Variants in AGBL4 observed in about 807,000 individuals in gnomAD.
The protein encoded by AGBL4 is AGBL carboxypeptidase 4.
A neutral mutation model predicts 66.4 loss-of-function variants in AGBL4; 58 were observed. The observed-to-expected ratio is 0.87, with a 90% confidence interval of 0.71 to 1.09. The LOEUF (loss-of-function observed/expected upper bound fraction) is 1.09, where lower values mean the gene tolerates loss of function less well. Ranked by LOEUF, AGBL4 falls within the 50% of genes least tolerant of loss-of-function variation. The pLI, the probability that AGBL4 is intolerant of heterozygous loss-of-function variation, is 0.00. For missense variants in AGBL4, 579 were observed against 631.0 expected, an observed-to-expected ratio of 0.92 and a Z score of 0.88; for synonymous variants, 234 against 222.9, an observed-to-expected ratio of 1.05 and a Z score of -0.44.
intron 1 of AGBL4, among the ~76,000 whole-genome samples, chr1:49,888,065 T>C (rs567603531): frequency 8.1e-4 from 124 of 152,264 alleles, no homozygotes; most frequent in African/African-American, 2.8e-3. Flanking sequence ...GCCATAAGCA[T>C]AGATGTCAGA....
chr1:48,807,749 G>C (rs1645959155), intron 6 of AGBL4, among the ~76,000 whole-genome samples: 1 of 152,130 alleles, frequency 6.6e-6, no homozygotes, highest in South Asian at 2.1e-4. Flanking sequence ...ATATCAGAAG[G>C]GCAGTGGAAG....
chr1:48,826,320 G>A (rs1297338897), intron 6 of AGBL4, among the ~76,000 whole-genome samples: 1 of 152,226 alleles, frequency 6.6e-6, no homozygotes, highest in African/African-American at 2.4e-5. Flanking sequence ...AATAAAAGGT[G>A]TGAAGGAGTT....
At chr1:49,843,114 G>A (rs1210792060) in intron 2 of AGBL4, among the ~76,000 whole-genome samples, 1 of 152,108 alleles carries the variant, frequency 6.6e-6, no homozygotes, top group Admixed American at 6.5e-5. Context: ...ATGTGGGAGA[G>A]GGTCACATTA....
intron 2 of AGBL4, among the ~76,000 whole-genome samples, chr1:49,729,547 A>AC (rs528778968): frequency 8.8e-4 from 134 of 152,138 alleles, no homozygotes; most frequent in Non-Finnish European, 1.6e-3. Context: ...ATTGAGATTA[A>AC]CCCCCCCAAA....
At chr1:48,634,758 T>A (rs981886049) in intron 8 of AGBL4, among the ~76,000 whole-genome samples, 154 bp from the exon 9 acceptor site, 22 of 152,318 alleles carry the variant, frequency 1.4e-4, no homozygotes, top group African/African-American at 4.6e-4. Context: ...ATGAGTTAAT[T>A]CTTTCAGTGT....
At chr1:49,095,795 T>C (rs1284799024) in intron 4 of AGBL4, among the ~76,000 whole-genome samples, 10 of 151,350 alleles carry the variant, frequency 6.6e-5, no homozygotes, top group Non-Finnish European at 1.0e-4. Context: ...ACTTCATGTC[T>C]AAAACACCAA....
At chr1:48,750,386 C>T (rs1651497992) in intron 6 of AGBL4, among the ~76,000 whole-genome samples, 1 of 152,198 alleles carries the variant, frequency 6.6e-6, no homozygotes, top group Non-Finnish European at 1.5e-5. Context: ...AAGCCAGCCT[C>T]TCTTGCAACT....
chr1:48,784,262 T>C (rs1018354590), intron 6 of AGBL4, among the ~76,000 whole-genome samples: 1 of 152,184 alleles, frequency 6.6e-6, no homozygotes, highest in Non-Finnish European at 1.5e-5. Flanking sequence ...AAAATAATTA[T>C]TATAGTTATA....
intron 3 of AGBL4, among the ~76,000 whole-genome samples, chr1:49,258,701 G>T (rs1262440410): frequency 6.6e-6 from 1 of 152,172 alleles, no homozygotes; most frequent in Admixed American, 6.5e-5. Flanking sequence ...GAAAGTGACG[G>T]GGAGAATGGA....
intron 4 of AGBL4, among the ~76,000 whole-genome samples, chr1:49,047,748 T>C (rs1433685493): frequency 1.3e-5 from 2 of 152,126 alleles, no homozygotes; most frequent in Non-Finnish European, 2.9e-5. Context: ...TTAAGCATCA[T>C]AGACTTTTAA....
intron 1 of AGBL4, among the ~76,000 whole-genome samples, chr1:49,923,069 T>A (rs2148244695): frequency 6.6e-6 from 1 of 152,134 alleles, no homozygotes; most frequent in African/African-American, 2.4e-5. Context: ...CTTCAAACAA[T>A]CCTACAGAGC....
chr1:49,664,520 A>T (rs1646326313), intron 3 of AGBL4, among the ~76,000 whole-genome samples: 1 of 152,108 alleles, frequency 6.6e-6, no homozygotes, highest in Admixed American at 6.6e-5. Flanking sequence ...TTACCTGGTT[A>T]ATATTTCAAG....
chr1:48,660,735 A>T (rs1261551538), intron 7 of AGBL4, among the ~76,000 whole-genome samples: 1 of 152,192 alleles, frequency 6.6e-6, no homozygotes. Context: ...CCAGAACCAC[A>T]CTTGTCGTGA....
chr1:49,638,439 T>C (rs995119725), intron 3 of AGBL4, among the ~76,000 whole-genome samples: 1 of 152,146 alleles, frequency 6.6e-6, no homozygotes, highest in Non-Finnish European at 1.5e-5. Context: ...AATAGTAATA[T>C]ATTTGGTCTA....
At chr1:49,209,510 T>C (rs991652009) in intron 4 of AGBL4, among the ~76,000 whole-genome samples, 2 of 152,094 alleles carry the variant, frequency 1.3e-5, no homozygotes, top group African/African-American at 4.8e-5. Context: ...TAATAGTGGG[T>C]GCATTAATAG....
intron 3 of AGBL4, among the ~76,000 whole-genome samples, chr1:49,413,108 A>G (rs1397069823): frequency 6.6e-6 from 1 of 152,190 alleles, no homozygotes. Flanking sequence ...AATTTTGGCC[A>G]TGAGGTCACA....
intron 3 of AGBL4, among the ~76,000 whole-genome samples, chr1:49,573,462 G>A (rs545619090): frequency 1.3e-5 from 2 of 152,144 alleles, no homozygotes; most frequent in African/African-American, 4.8e-5. Flanking sequence ...GAGGCAAGGA[G>A]TTTAGTGAGT....
At chr1:49,426,052 A>G (rs1338961386) in intron 3 of AGBL4, among the ~76,000 whole-genome samples, 2 of 152,330 alleles carry the variant, frequency 1.3e-5, no homozygotes, top group Non-Finnish European at 1.5e-5. Flanking sequence ...TATTTTTCAT[A>G]TGAGAGTGTT....
Position 49,704,538 on chromosome 1 carries a change from C to T in AGBL4, c.158-7101G>A, listed in dbSNP as rs188824373. On this transcript the variant is annotated intron_variant, in intron 2 of 13. Transcript: ENST00000371839. The stretch of plus-strand genomic sequence containing the variant: ...AAAAGAATGATACTGCCTAGGTTTT[C>T]TTCTAGGGTTTTTATTGTTCTAGGT... Among the ~76,000 whole-genome samples the T allele has an allele frequency of 4.7e-4, 72 of 152,112 alleles. 1 individual carries two copies. The East Asian group carries it at 0.01, about 22-fold the overall frequency.
Sources: allele counts gnomAD v4.1 joint callset (sites outside exome capture counted in the v4.1 genomes callset), GRCh38; gene constraint gnomAD v4.1.1; transcripts MANE v1.5; gene names NCBI Gene and HGNC (gene_info 2026-07-23, HGNC 2026-07-21).